The following TNKS variants were observed in gnomAD, a reference collection of about 807,000 sequenced individuals.
TNKS encodes the protein poly [ADP-ribose] polymerase tankyrase-1.
In TNKS, 72 loss-of-function variants were observed where a neutral mutation model predicts 135.8. The observed-to-expected ratio is 0.53, with a 90% CI of 0.44 to 0.64. The LOEUF (loss-of-function observed/expected upper bound fraction) is 0.64. TNKS is among the 30% of genes least tolerant of loss of function. TNKS has a pLI of 0.00. For synonymous variants in TNKS, 849 were observed against 649.3 expected (o/e 1.31, Z -4.68); for missense variants, 1,769 against 1,674.0 (o/e 1.06, Z -0.99).
rs1345591240 is a variant in TNKS at position 9,657,334 on chromosome 8, G to A, written c.995-22617G>A. Among the ~76,000 whole-genome samples the A allele has an allele frequency of 9.3e-5, 8 of 85,612 alleles. No homozygotes were observed. The East Asian group carries it at 2.7e-3, about 29-fold the overall frequency. 56.2% of individuals were successfully genotyped at this position (85,612 alleles called of 152,430 possible). On this transcript the variant is annotated intron_variant, in intron 3 of 26. Coordinates refer to ENST00000310430, the MANE Select transcript of TNKS (RefSeq NM_003747.3). ...CACCTCCCTCCCAGACGGGGCGGCT[G>A]GCCGGGCAGAGGGGCTCCTCACTTC...
At chr8:9,768,701 G>C (rs1395405691) in intron 25 of TNKS, among the ~76,000 whole-genome samples, 1 of 152,244 alleles carries the variant, frequency 6.6e-6, no homozygotes. Flanking sequence ...TGTGACGTAA[G>C]AGACTAGCAG....
intron 2 of TNKS, among the ~76,000 whole-genome samples, chr8:9,608,335 A>T (rs1315956219): frequency 6.6e-6 from 1 of 152,132 alleles, no homozygotes; most frequent in Non-Finnish European, 1.5e-5. Context: ...TCATAAAAAT[A>T]GTTTTGACTT....
intron 3 of TNKS, among the ~76,000 whole-genome samples, chr8:9,656,774 G>T (rs202168769): frequency 0.011 from 1,716 of 150,878 alleles, 32 homozygotes; most frequent in African/African-American, 0.038. Context: ...ACGGCCTTCC[G>T]CAGTGTTTGT....
At chr8:9,659,001 A>G (rs1034845131) in intron 3 of TNKS, among the ~76,000 whole-genome samples, 3 of 152,246 alleles carry the variant, frequency 2.0e-5, no homozygotes, top group East Asian at 1.9e-4. Flanking sequence ...CCCTTACATA[A>G]TGGTAAAGGG....
chr8:9,740,478 A>G (rs114300271), intron 17 of TNKS, among the ~76,000 whole-genome samples: 1,679 of 152,280 alleles, frequency 0.011, 13 homozygotes, highest in African/African-American at 0.023. Context: ...TCTCAGACCC[A>G]TTTTACAAAG....
chr8:9,567,565 G>C (rs368113493), intron 1 of TNKS, among the ~76,000 whole-genome samples: 5 of 152,080 alleles, frequency 3.3e-5, no homozygotes, highest in Non-Finnish European at 7.4e-5. Flanking sequence ...ACAGGCGCCC[G>C]CCACCACGCC....
intron 3 of TNKS, among the ~76,000 whole-genome samples, chr8:9,660,923 G>A (rs7350097): frequency 6.7e-6 from 1 of 150,182 alleles, no homozygotes; most frequent in Non-Finnish European, 1.5e-5. Context: ...AAAAATCACA[G>A]GCATTCTTAT....
rs1797220731 is a variant in TNKS, at chr8:9,559,180, CAAA to C, written c.673+2571_673+2573del. 2.6e-5 allele frequency among the ~76,000 whole-genome samples: 4 copies of C among 152,048 alleles called. No individual in the cohort carries two copies. The South Asian group carries it at 8.3e-4, about 31-fold the overall frequency. ...GGGGAAGCATAAACAACAACAACAACAAAAACCTATAAAGTATCTAGTGTCTAA... is the reference window on the plus strand; with the variant it reads ...GGGGAAGCATAAACAACAACAACAACAACCTATAAAGTATCTAGTGTCTAA... On this transcript the variant is annotated intron_variant, in intron 1 of 26. Coordinates refer to ENST00000310430, the MANE Select transcript of TNKS (RefSeq NM_003747.3).
intron 20 of TNKS, 58 bp from the exon 21 acceptor site, chr8:9,761,458 C>T (rs1807143921): frequency 1.9e-6 from 3 of 1,578,082 alleles, no homozygotes; most frequent in Non-Finnish European, 2.6e-6. Context: ...ATTGGAAAAG[C>T]TTTTGTCCTC....
In TNKS at chr8:9,780,902, G is replaced by A. The variant is rs1808432719; in HGVS notation, c.*4166G>A. ...GCTACCAGATTTCTGGTTTGGAGAA[G>A]TGCTGGAAAGATTTCAAAGCCTATT... On this transcript the variant is annotated 3_prime_UTR_variant, in exon 27 of 27. Coordinates refer to ENST00000310430, the MANE Select transcript of TNKS (RefSeq NM_003747.3). 1 of 152,214 alleles carries A rather than the reference G, an allele frequency of 6.6e-6. No homozygotes were observed. Among genetic ancestry groups the A allele is most frequent in the East Asian group, 1.9e-4 (1 of 5,202 alleles). 9.4% of individuals were successfully genotyped at this position (152,214 alleles called of 1,614,324 possible). A position where few individuals can be genotyped will look rare whatever the true frequency, so the allele number is the denominator to read the frequency against.
chr8:9,660,708 T>C (rs552748026), intron 3 of TNKS, among the ~76,000 whole-genome samples: 3 of 152,236 alleles, frequency 2.0e-5, no homozygotes, highest in East Asian at 1.9e-4. Flanking sequence ...ACCAGTCCTA[T>C]TCAACATAGT....
intron 2 of TNKS, among the ~76,000 whole-genome samples, chr8:9,592,103 A>G (rs1011452053): frequency 1.3e-5 from 2 of 152,358 alleles, no homozygotes; most frequent in South Asian, 4.1e-4. Flanking sequence ...ATTATCTAAA[A>G]TATGCACAGT....
chr8:9,705,933 T>C (rs969507248), intron 6 of TNKS, among the ~76,000 whole-genome samples: 7 of 152,208 alleles, frequency 4.6e-5, no homozygotes, highest in African/African-American at 1.4e-4. Flanking sequence ...AATTAGCATA[T>C]GATCTTCCTT....
Position 9,766,225 on chromosome 8 carries a change from C to G in TNKS, c.3554-14C>G, listed in dbSNP as rs754286423. On this transcript the variant is annotated splice_polypyrimidine_tract_variant and intron_variant, in intron 24 of 26. Coordinates refer to ENST00000310430, the MANE Select transcript of TNKS (RefSeq NM_003747.3). ...AGTGTTCAAAAACGAATCTTTCTGT[C>G]TTCGTATTTCTAGGTTCTCCTTTCA... 1 of 1,589,714 alleles carries G rather than the reference C, an allele frequency of 6.3e-7. No individual in the cohort carries two copies. Among genetic ancestry groups the G allele is most frequent in the South Asian group, 1.1e-5 (1 of 88,386 alleles).
At chr8:9,702,888 C>T (rs759493270) in intron 5 of TNKS, among the ~76,000 whole-genome samples, 11 of 151,966 alleles carry the variant, frequency 7.2e-5, no homozygotes, top group East Asian at 1.9e-4. Context: ...TGGTGGTGCG[C>T]GCCTGTAATC....
intron 18 of TNKS, among the ~76,000 whole-genome samples, chr8:9,748,705 C>T (rs1334512547): frequency 6.6e-6 from 1 of 152,156 alleles, no homozygotes; most frequent in Non-Finnish European, 1.5e-5. Context: ...AATTTTTAAG[C>T]CAGAAATGTT....
chr8:9,771,075 G>C (rs1486515363), intron 26 of TNKS, among the ~76,000 whole-genome samples: 2 of 151,892 alleles, frequency 1.3e-5, no homozygotes, highest in Non-Finnish European at 2.9e-5. Flanking sequence ...TAAATTTATG[G>C]GTAAGTAGTA....
chr8:9,672,122 A>T (rs965755270), intron 3 of TNKS, among the ~76,000 whole-genome samples: 5 of 152,242 alleles, frequency 3.3e-5, no homozygotes, highest in African/African-American at 1.2e-4. Context: ...GAAGCACAAG[A>T]GTAGTGATAT....
chr8:9,694,524 G>A (rs1340688119), intron 5 of TNKS, among the ~76,000 whole-genome samples: 2 of 152,106 alleles, frequency 1.3e-5, no homozygotes, highest in Non-Finnish European at 1.5e-5. Context: ...CACTTTGGGA[G>A]GCCAAGGCAG....
Sources: gnomAD v4.1 joint callset for allele counts (sites outside exome capture counted in the v4.1 genomes callset) on GRCh38, gnomAD v4.1.1 for gene constraint, MANE v1.5 for transcripts, NCBI Gene and HGNC (gene_info 2026-07-23, HGNC 2026-07-21) for gene names.